The following PAK1 variants were observed in gnomAD, a reference collection of about 807,000 sequenced individuals.
PAK1 encodes p21 (RAC1) activated kinase 1.
A neutral mutation model predicts 67.4 loss-of-function variants in PAK1; 29 were observed. That is an observed-to-expected ratio of 0.43 (90% confidence interval 0.32 to 0.59). PAK1 has a LOEUF of 0.59. Among genes scored for constraint, PAK1 ranks in the 20% least tolerant of loss-of-function variants. The pLI is 0.07. For synonymous variants in PAK1, 223 were observed against 237.4 expected (o/e 0.94, Z 0.56); for missense variants, 337 against 670.7 (o/e 0.50, Z 5.50).
chr11:77,343,746 C>A, intron 10 of PAK1, 73 bp downstream of exon 10: 3 of 894,734 alleles, frequency 3.4e-6, no homozygotes, highest in Non-Finnish European at 5.7e-6. Context: ...TGGCACTGCC[C>A]TCTTCTCTAA....
In PAK1 at chr11:77,324,860, C is replaced by T. The variant is rs556819129; in HGVS notation, c.1552-1500G>A. On this transcript the variant is annotated intron_variant, in intron 14 of 14. Transcript: ENST00000356341. ...TAATATTCTTTGCTGAGAATTGCTG[C>T]AACTTCTGTTGGGACAGAGATAGTA... 7.2e-5 allele frequency among the ~76,000 whole-genome samples: 11 copies of T among 152,072 alleles called. No individual in the cohort carries two copies. In the South Asian group the frequency reaches 2.1e-3, roughly 29 times the overall value.
At chr11:77,508,770 C>T in the PAK1 span, among the ~76,000 whole-genome samples, 5 of 151,192 alleles carry the variant, frequency 3.3e-5, no homozygotes, top group East Asian at 8.0e-4. Flanking sequence ...CGCCATTTTC[C>T]CGCCTCAGCC....
At chr11:77,435,223 A>T (rs1956066452) in intron 1 of PAK1, among the ~76,000 whole-genome samples, 1 of 152,322 alleles carries the variant, frequency 6.6e-6, no homozygotes, top group East Asian at 1.9e-4. Context: ...GAATTATCTC[A>T]ATAAAGCTGC....
At chr11:77,338,666 T>C (rs148296813) in intron 11 of PAK1, among the ~76,000 whole-genome samples, 5 of 152,292 alleles carry the variant, frequency 3.3e-5, no homozygotes, top group East Asian at 1.9e-4. Flanking sequence ...TAAGTGTTCA[T>C]AGAGTAATTT....
At chr11:77,395,587 T>A (rs535563195) in intron 1 of PAK1, among the ~76,000 whole-genome samples, 1 of 151,760 alleles carries the variant, frequency 6.6e-6, no homozygotes, top group Non-Finnish European at 1.5e-5. Context: ...CTTATTTACT[T>A]ATACACACAC....
intron 5 of PAK1, 37 bp from the exon 6 acceptor site, chr11:77,359,054 G>C (rs1565613203): frequency 6.3e-7 from 1 of 1,599,432 alleles, no homozygotes. Context: ...ATCTGGTCCA[G>C]CTGCCATGGA....
intron 1 of PAK1, among the ~76,000 whole-genome samples, chr11:77,470,975 T>C (rs1306626713): frequency 6.6e-6 from 1 of 152,236 alleles, no homozygotes; most frequent in Non-Finnish European, 1.5e-5. Context: ...GATTTGCACA[T>C]TGGACCATGA....
the PAK1 span, among the ~76,000 whole-genome samples, chr11:77,490,556 C>G: frequency 6.7e-6 from 1 of 148,244 alleles, no homozygotes; most frequent in African/African-American, 2.5e-5. Flanking sequence ...AGGTGAGGGG[C>G]GTCTCTGCCC....
At chr11:77,414,814 A>T (rs886948030) in intron 1 of PAK1, among the ~76,000 whole-genome samples, 6 of 151,820 alleles carry the variant, frequency 4.0e-5, no homozygotes, top group Non-Finnish European at 5.9e-5. Context: ...TGTAGGGGAA[A>T]ATCTAGATGA....
intron 1 of PAK1, among the ~76,000 whole-genome samples, chr11:77,452,041 G>A (rs1291212001): frequency 6.6e-6 from 1 of 152,070 alleles, no homozygotes; most frequent in Non-Finnish European, 1.5e-5. Flanking sequence ...ATTTTACAAA[G>A]AAAAAACTAC....
At chr11:77,468,257 A>C (rs1957690085) in intron 1 of PAK1, among the ~76,000 whole-genome samples, 2 of 152,226 alleles carry the variant, frequency 1.3e-5, no homozygotes, top group South Asian at 4.1e-4. Context: ...CCAAGACATA[A>C]TGGACTTAAG....
At chr11:77,494,275 A>C in the PAK1 span, among the ~76,000 whole-genome samples, 1 of 152,238 alleles carries the variant, frequency 6.6e-6, no homozygotes, top group African/African-American at 2.4e-5. Context: ...ATACAACTGA[A>C]TACTATGCAG....
At chr11:77,366,408 G>A (rs1245409708) in intron 5 of PAK1, among the ~76,000 whole-genome samples, 2 of 152,064 alleles carry the variant, frequency 1.3e-5, no homozygotes, top group African/African-American at 4.8e-5. Flanking sequence ...TATACAGTAC[G>A]TACACGTGCA....
At position 77,374,315 on chromosome 11, in the gene PAK1, A is replaced by C. The variant is rs1482801086; in HGVS notation, c.477+13T>G. 11 of 1,555,690 alleles carry C rather than the reference A, an allele frequency of 7.1e-6. No individual in the cohort carries two copies. Among genetic ancestry groups the C allele is most frequent in the Non-Finnish European group, 9.8e-6 (11 of 1,127,006 alleles). ...CATCTGCCCACATCAAAATAGAGTA[A>C]ATAAAGACTTACCAAGGCATTAGAA... On this transcript the variant is annotated intron_variant, in intron 5 of 14. Coordinates refer to ENST00000356341, the MANE Select transcript of PAK1 (RefSeq NM_002576.5).
At position 77,353,558 on chromosome 11, in the gene PAK1, G is replaced by A. The variant is rs767363828; in HGVS notation, c.814C>T (p.Arg272Trp). 43 of 1,608,980 alleles carry A rather than the reference G, an allele frequency of 2.7e-5. No individual in the cohort carries two copies. Among genetic ancestry groups the A allele is most frequent in the African/African-American group, 8.0e-5 (6 of 74,758 alleles). Residue 272 changes from arginine to tryptophan, a missense_variant, in exon 8 of 15, where the codon CGG (arginine) becomes TGG (tryptophan). Coordinates refer to ENST00000356341, the MANE Select transcript of PAK1 (RefSeq NM_002576.5). ...SVGDPKKKYT[R>W]FEKIGQGASG... ...AACCCTTGTCCAATCTTCTCAAACC[G>A]TGTATATTTCTTCTTAGGATCGCCC...
chr11:77,482,084 G>T, the PAK1 span, among the ~76,000 whole-genome samples: 11 of 152,136 alleles, frequency 7.2e-5, no homozygotes, highest in African/African-American at 2.7e-4. Context: ...CGCCTCCCGG[G>T]TTCAAGCAAT....
intron 1 of PAK1, among the ~76,000 whole-genome samples, chr11:77,439,649 C>T (rs1026146903): frequency 4.6e-5 from 7 of 152,202 alleles, no homozygotes; most frequent in African/African-American, 1.7e-4. Flanking sequence ...CCTATCCTTT[C>T]TCCTGCCCTC....
intron 5 of PAK1, among the ~76,000 whole-genome samples, chr11:77,367,284 C>G (rs956992433): frequency 2.6e-5 from 4 of 152,240 alleles, no homozygotes; most frequent in Admixed American, 6.5e-5. Context: ...TGTCCACCAC[C>G]AATGAGCTTA....
chr11:77,367,707 G>T (rs1429312597), intron 5 of PAK1, among the ~76,000 whole-genome samples: 1 of 152,194 alleles, frequency 6.6e-6, no homozygotes, highest in Non-Finnish European at 1.5e-5. Flanking sequence ...GGCTGGGCGT[G>T]GTGGCTCACG....
Sources: allele counts gnomAD v4.1 joint callset (sites outside exome capture counted in the v4.1 genomes callset), GRCh38; gene constraint gnomAD v4.1.1; transcripts MANE v1.5; gene names NCBI Gene and HGNC (gene_info 2026-07-23, HGNC 2026-07-21).